Variants in FRAS1 observed in about 807,000 individuals in gnomAD.
The protein encoded by FRAS1 is Fraser extracellular matrix complex subunit 1, also known as extracellular matrix organizing protein FRAS1.
In FRAS1, 290 loss-of-function variants were observed where a neutral mutation model predicts 435.2. The observed-to-expected ratio is 0.67, with a 90% CI of 0.61 to 0.73. The LOEUF (loss-of-function observed/expected upper bound fraction) is 0.73, where lower values mean the gene tolerates loss of function less well. Ranked by LOEUF, FRAS1 falls within the 30% of genes least tolerant of loss-of-function variation. The probability of loss-of-function intolerance (pLI) is 0.00; values close to 1 mark genes in which losing one functional copy is unlikely to be tolerated. For missense variants in FRAS1, 4,860 were observed against 5,001.5 expected, an observed-to-expected ratio of 0.97 and a Z score of 0.85; for synonymous variants, 1,800 against 1,851.0, an observed-to-expected ratio of 0.97 and a Z score of 0.71.
chr4:78,227,400 T>C (rs79395774), intron 2 of FRAS1, among the ~76,000 whole-genome samples: 294 of 152,314 alleles, frequency 1.9e-3, no homozygotes, highest in African/African-American at 6.7e-3. Context: ...AGCAAATTTT[T>C]AAATGCCTCT....
At chr4:78,087,225 C>T (rs186326974) in intron 2 of FRAS1, among the ~76,000 whole-genome samples, 23 of 152,250 alleles carry the variant, frequency 1.5e-4, no homozygotes, top group Admixed American at 2.0e-4. Flanking sequence ...AATTCAACAA[C>T]ACTTCATGCT....
At chr4:78,215,098 G>A (rs1187763294) in intron 2 of FRAS1, among the ~76,000 whole-genome samples, 1 of 152,150 alleles carries the variant, frequency 6.6e-6, no homozygotes. Context: ...CAGCCATACT[G>A]TGTAACTTGA....
In FRAS1 at chr4:78,366,066, GGAAA is replaced by G. The variant is rs1407922414; in HGVS notation, c.2722+2013_2722+2016del. ...GAAATTCTGCAATAAGGGCTTTTGA[GGAAA>G]TGTAATCAGTATTAAGGGAGGCAGT... On this transcript the variant is annotated intron_variant, in intron 22 of 73. Transcript: ENST00000512123. 7.8e-4 allele frequency among the ~76,000 whole-genome samples: 118 copies of G among 152,232 alleles called. 3 individuals are homozygous for G. The East Asian group carries it at 0.021, about 28-fold the overall frequency.
intron 15 of FRAS1, among the ~76,000 whole-genome samples, chr4:78,314,856 C>G (rs1729171041): frequency 6.6e-6 from 1 of 151,418 alleles, no homozygotes; most frequent in Admixed American, 6.5e-5. Context: ...CCACCTCTTA[C>G]CCCCACCCTC....
At chr4:78,521,861 G>A (rs1229919963) in intron 68 of FRAS1, among the ~76,000 whole-genome samples, 1 of 152,090 alleles carries the variant, frequency 6.6e-6, no homozygotes, top group African/African-American at 2.4e-5. Context: ...CATCTCCTAA[G>A]AACAAGGACA....
At chr4:78,381,780 CT>C (rs935258945) in intron 27 of FRAS1, among the ~76,000 whole-genome samples, 1 of 152,128 alleles carries the variant, frequency 6.6e-6, no homozygotes, top group African/African-American at 2.4e-5. Context: ...CTTTGTACCC[CT>C]AAATGGGACA....
chr4:78,231,782 T>C (rs1578197940), intron 2 of FRAS1, among the ~76,000 whole-genome samples: 1 of 152,156 alleles, frequency 6.6e-6, no homozygotes, highest in South Asian at 2.1e-4. Flanking sequence ...AGTTGTTTTT[T>C]TTTTAAAGCA....
chr4:78,286,442 G>A lies in FRAS1; in HGVS notation c.1437G>A (p.Leu479=), dbSNP rs777652617. The A allele has an allele frequency of 2.5e-6, 4 of 1,613,636 alleles. No homozygotes were observed. The highest frequency in any genetic ancestry group is 3.4e-6 in the Non-Finnish European group (4 of 1,179,864). ...AGTGCTCCACGTGTACCAGTGGGCT[G>A]GAGTGCTCATCCTGCCAGCCTCCCC... The part of the protein sequence containing the change: ...QPQCSTCTSG[L]ECSSCQPPLL... The change falls in exon 14 of 74, where the codon CTG becomes CTA. Residue 479 remains leucine, a synonymous_variant. Transcript: ENST00000512123.
intron 42 of FRAS1, 66 bp downstream of exon 42, chr4:78,445,778 T>G: frequency 1.3e-6 from 2 of 1,546,088 alleles, no homozygotes; most frequent in South Asian, 2.6e-5. Flanking sequence ...TTAGAGAGCT[T>G]TCTTTATAGG....
At chr4:78,071,311 G>A (rs1740339932) in intron 2 of FRAS1, 1 of 152,106 alleles carries the variant, frequency 6.6e-6, no homozygotes, top group African/African-American at 2.4e-5. Flanking sequence ...TTTCTCCTAG[G>A]TTTGATGTGA....
intron 27 of FRAS1, among the ~76,000 whole-genome samples, chr4:78,381,615 G>A (rs1264796659): frequency 2.0e-5 from 3 of 152,164 alleles, no homozygotes. Context: ...CTATCACACA[G>A]ACACAGAAAC....
At position 78,379,943 on chromosome 4, in the gene FRAS1, G is replaced by A. The variant is rs867107569; in HGVS notation, c.3510G>A (p.Trp1170Ter). The A allele has an allele frequency of 2.5e-6, 4 of 1,613,870 alleles. No individual in the cohort carries two copies. The highest frequency in any genetic ancestry group is 3.4e-6 in the Non-Finnish European group (4 of 1,179,846). ...TGGACAAGGCTGGCCGTTTTAGCTG[G>A]AAAGATGTGAACGAGAAGAAAGTGC... ...VQLDKAGRFS[W>*]KDVNEKKVRF... The change falls in exon 27 of 74, where the codon TGG (tryptophan) becomes TGA (stop). Residue 1170 changes from tryptophan (W) to a stop codon, truncating the protein, a stop_gained. Transcript: ENST00000512123. LOFTEE classifies it high-confidence loss of function.
chr4:78,416,083 C>G lies in FRAS1; in HGVS notation c.4426-2866C>G, dbSNP rs192471024. Among the ~76,000 whole-genome samples, 486 of 152,216 alleles carry G rather than the reference C, an allele frequency of 3.2e-3. 2 individuals carry two copies. The highest frequency in any genetic ancestry group is 0.01 in the African/African-American group (419 of 41,534). On this transcript the variant is annotated intron_variant, in intron 32 of 73. Transcript: ENST00000512123. The stretch of plus-strand genomic sequence containing the variant: ...AAAATGTGATACAGACGTACACACA[C>G]AGAGAGAGAGGAATATTATTCAACC...
intron 20 of FRAS1, among the ~76,000 whole-genome samples, chr4:78,346,799 G>T (rs1433627915): frequency 6.6e-6 from 1 of 151,818 alleles, no homozygotes; most frequent in Non-Finnish European, 1.5e-5. Context: ...TCTGCCCTGG[G>T]GAGCTCCTCC....
rs188338621 is a variant in FRAS1, at chr4:78,429,119, C to T, written c.4736C>T (p.Pro1579Leu). 20 of 1,560,782 alleles carry T rather than the reference C, an allele frequency of 1.3e-5. No individual in the cohort carries two copies. The highest frequency in any genetic ancestry group is 4.8e-5 in the East Asian group (2 of 41,662). Residue 1579 changes from proline (P) to leucine (L), a missense_variant, in exon 36 of 74, where the codon CCG becomes CTG. Coordinates refer to ENST00000512123, the MANE Select transcript of FRAS1 (RefSeq NM_025074.7). ...GTTTCAGATGGAGAACACACAAGTC[C>T]GGAGATGGTCCTCACCATTCACTTA... ...FTVSDGEHTS[P>L]EMVLTIHLLP...
chr4:78,102,110 T>G (rs1249443919), intron 2 of FRAS1, among the ~76,000 whole-genome samples: 4 of 151,406 alleles, frequency 2.6e-5, no homozygotes, highest in African/African-American at 4.9e-5. Flanking sequence ...TGATCACGGT[T>G]GAATATGGTG....
At chr4:78,168,224 T>C (rs1345380155) in intron 2 of FRAS1, among the ~76,000 whole-genome samples, 1 of 151,988 alleles carries the variant, frequency 6.6e-6, no homozygotes, top group Non-Finnish European at 1.5e-5. Context: ...GTAGAGCTCC[T>C]CTCTCTTGAA....
chr4:78,059,120 G>A lies in FRAS1; in HGVS notation c.76+1035G>A, dbSNP rs1271389576. On this transcript the variant is annotated intron_variant, in intron 1 of 73. Coordinates refer to ENST00000512123, the MANE Select transcript of FRAS1 (RefSeq NM_025074.7). ...AAACCAGAGCCGCGGCTGGGCGGCG[G>A]CGGCGGGCGCAGGGCGGGCCGCCTT... 2.0e-5 allele frequency among the ~76,000 whole-genome samples: 3 copies of A among 152,312 alleles called. No homozygotes were observed. The East Asian group carries it at 5.8e-4, about 30-fold the overall frequency.
chr4:78,217,081 CTAGA>C (rs10522971), intron 2 of FRAS1, among the ~76,000 whole-genome samples: 315 of 151,400 alleles, frequency 2.1e-3, no homozygotes, highest in Non-Finnish European at 2.9e-3. Flanking sequence ...AGCTAGATAA[CTAGA>C]TAGATAGATA....
Sources: gnomAD v4.1 joint callset for allele counts (sites outside exome capture counted in the v4.1 genomes callset) on GRCh38, gnomAD v4.1.1 for gene constraint, MANE v1.5 for transcripts, NCBI Gene and HGNC (gene_info 2026-07-23, HGNC 2026-07-21) for gene names.